PIEZO1: variants seen among roughly 807,000 people sequenced by gnomAD.
PIEZO1 encodes the protein piezo-type mechanosensitive ion channel component 1.
Under a neutral mutation model 297.2 loss-of-function variants are expected in PIEZO1, and 296 were observed. The ratio of observed to expected loss-of-function variants is 1.00; its 90% CI spans 0.91 to 1.10. PIEZO1 has a LOEUF of 1.10. PIEZO1 is among the 50% of genes least tolerant of loss of function. The probability of loss-of-function intolerance (pLI) is 0.00; values close to 1 mark genes in which losing one functional copy is unlikely to be tolerated. For synonymous variants in PIEZO1, 2,427 were observed against 1,507.5 expected, an observed-to-expected ratio of 1.61 and a Z score of -14.13; for missense variants, 5,018 against 3,455.5, an observed-to-expected ratio of 1.45 and a Z score of -11.34.
chr16:88,717,559 A>C, intron 44 of PIEZO1: 2 of 493,444 alleles, frequency 4.1e-6, no homozygotes. Flanking sequence ...CAAAGAGCGA[A>C]ACTTCAGAGC....
At chr16:88,775,272 G>A (rs547111704) in intron 1 of PIEZO1, among the ~76,000 whole-genome samples, 5 of 152,216 alleles carry the variant, frequency 3.3e-5, no homozygotes, top group African/African-American at 1.2e-4. Context: ...AGAGGATGCC[G>A]GGGCAGACCT....
chr16:88,755,038 G>A (rs537751490), intron 1 of PIEZO1, among the ~76,000 whole-genome samples: 136 of 152,340 alleles, frequency 8.9e-4, no homozygotes, highest in African/African-American at 3.1e-3. Flanking sequence ...ACACACCTGC[G>A]GCCATCAGGT....
intron 1 of PIEZO1, among the ~76,000 whole-genome samples, chr16:88,752,734 C>A (rs1597474215): frequency 1.3e-5 from 2 of 152,082 alleles, no homozygotes; most frequent in South Asian, 4.1e-4. Flanking sequence ...ACGATGGGGG[C>A]ATGGGAGGCA....
At position 88,719,563 on chromosome 16, in the gene PIEZO1, G is replaced by A; in HGVS notation, c.6471+11C>T. On this transcript the variant is annotated intron_variant, in intron 44 of 50. Transcript: ENST00000301015. The stretch of plus-strand genomic sequence containing the variant: ...GGCCCTTGTCCCGGCCCCCGCCCTG[G>A]GCCCAGGCACCTTCTCTGTCTCTCG... 6.5e-7 allele frequency: 1 copy of A among 1,550,108 alleles called. No individual in the cohort carries two copies. The highest frequency in any genetic ancestry group is 8.7e-7 in the Non-Finnish European group (1 of 1,146,660).
In PIEZO1 at chr16:88,737,625, C is replaced by G. The variant is rs1397578028; in HGVS notation, c.1129G>C (p.Asp377His). 6.5e-7 allele frequency: 1 copy of G among 1,534,990 alleles called. No homozygotes were observed. The highest frequency in any genetic ancestry group is 1.4e-5 in the African/African-American group (1 of 73,136). Residue 377 changes from aspartate to histidine, a missense_variant, in exon 10 of 51, where the codon GAC (aspartate) becomes CAC (histidine). Asp to His is a moderately conservative substitution (Grantham distance 81). Transcript: ENST00000301015. ...SDQHVVPTAP[D>H]TEADNCIVHE... ...ACGATGCAGTTATCAGCCTCGGTGT[C>G]GGGTGCTGTGGGCACCACGTGCTGT...
chr16:88,744,485 C>T (rs1445882485), intron 2 of PIEZO1: 2 of 152,042 alleles, frequency 1.3e-5, no homozygotes, highest in African/African-American at 4.8e-5. Context: ...TCCCTGCACA[C>T]ACGATCCAGC....
At position 88,725,411 on chromosome 16, in the gene PIEZO1, C is replaced by T; in HGVS notation, c.4162+5G>A. 5.6e-6 allele frequency: 8 copies of T among 1,435,636 alleles called. No homozygotes were observed. The highest frequency in any genetic ancestry group is 7.3e-6 in the Non-Finnish European group (8 of 1,089,518). The allele number at this position is 1,435,636 out of a possible 1,614,324, so 88.9% of individuals were successfully genotyped here. A position where few individuals can be genotyped will look rare whatever the true frequency, so the allele number is the denominator to read the frequency against. ...CCCTGGGTGCCCGACTCCAGCTGCA[C>T]TCACCTGGCTCCAGGCCGGGGTCCT... On this transcript the variant is annotated splice_donor_5th_base_variant and intron_variant, in intron 29 of 50. Coordinates refer to ENST00000301015, the MANE Select transcript of PIEZO1 (RefSeq NM_001142864.4).
rs1905261180 is a variant in PIEZO1, at chr16:88,736,935, C to T, written c.1196-196G>A. ...GCGTCAGGGATGGCCCTGCCAGCAC[C>T]TGCCGTTCTCTGGGCCTCACTTTCC... On this transcript the variant is annotated intron_variant, in intron 10 of 50. Transcript: ENST00000301015. 8 of 479,614 alleles carry T rather than the reference C, an allele frequency of 1.7e-5. No homozygotes were observed. The Admixed American group carries it at 2.7e-4, about 16-fold the overall frequency. The allele number at this position is 479,614 out of a possible 1,614,324, so 29.7% of individuals were successfully genotyped here.
chr16:88,727,879 C>A, intron 22 of PIEZO1: 3 of 376,478 alleles, frequency 8.0e-6, no homozygotes, highest in East Asian at 7.9e-5. Flanking sequence ...GGCAAAGGAA[C>A]TGAGCAGGAG....
intron 1 of PIEZO1, among the ~76,000 whole-genome samples, chr16:88,782,508 G>A (rs1384966731): frequency 6.6e-6 from 1 of 152,198 alleles, no homozygotes; most frequent in East Asian, 1.9e-4. Context: ...CTCCCTGTGG[G>A]TGGGGCAGCT....
In PIEZO1 at chr16:88,738,752, A is replaced by G. The variant is rs1275177900; in HGVS notation, c.466-16T>C. 3 of 1,523,744 alleles carry G rather than the reference A, an allele frequency of 2.0e-6. No homozygotes were observed. The highest frequency in any genetic ancestry group is 2.6e-6 in the Non-Finnish European group (3 of 1,137,550). 94.4% of individuals were successfully genotyped at this position (1,523,744 alleles called of 1,614,324 possible). ...CATCATCATCCTGCCAAGGTCACGGACAGGGGCAAGGTCAGGTGTATCGCA... is the reference window on the plus strand; with the variant it reads ...CATCATCATCCTGCCAAGGTCACGGGCAGGGGCAAGGTCAGGTGTATCGCA... On this transcript the variant is annotated splice_polypyrimidine_tract_variant and intron_variant, in intron 5 of 50. Coordinates refer to ENST00000301015, the MANE Select transcript of PIEZO1 (RefSeq NM_001142864.4).
Position 88,730,286 on chromosome 16 carries a change from G to A in PIEZO1, c.3196+1420C>T, listed in dbSNP as rs376649500. The stretch of plus-strand genomic sequence containing the variant: ...GGGTAGCAGAAGATGAGGCAGCAGC[G>A]CCTGGGAGCAGAAAACAAGACGGGG... On this transcript the variant is annotated intron_variant, in intron 22 of 50. Transcript: ENST00000301015. Among the ~76,000 whole-genome samples, 71 of 152,304 alleles carry A rather than the reference G, an allele frequency of 4.7e-4. 1 individual carries two copies. Among genetic ancestry groups the A allele is most frequent in the African/African-American group, 1.6e-3 (67 of 41,556 alleles).
intron 1 of PIEZO1, among the ~76,000 whole-genome samples, chr16:88,774,453 G>A (rs534673047): frequency 6.6e-6 from 1 of 152,304 alleles, no homozygotes; most frequent in South Asian, 2.1e-4. Flanking sequence ...GTGCTGAAGG[G>A]GAAAACAGGA....
intron 17 of PIEZO1, 52 bp from the exon 18 acceptor site, chr16:88,733,797 C>A: frequency 6.8e-7 from 1 of 1,481,082 alleles, no homozygotes; most frequent in Non-Finnish European, 9.0e-7. Flanking sequence ...TCCCGGGTCC[C>A]CTGTGAGGAA....
At chr16:88,766,545 C>T (rs1194552809) in intron 1 of PIEZO1, among the ~76,000 whole-genome samples, 1 of 152,238 alleles carries the variant, frequency 6.6e-6, no homozygotes, top group Non-Finnish European at 1.5e-5. Flanking sequence ...CTGGCAGGGC[C>T]CAAAGGGGAA....
chr16:88,735,043 C>T lies in PIEZO1; in HGVS notation c.1680G>A (p.Arg560=), dbSNP rs565863414. ...CCAGGCTCTGCAACAGCGTCTGCGT[C>T]CGCGTGGGCTCTGTGGGCCAAGCCA... is the stretch of plus-strand genomic sequence containing the variant. ...EVTVADTEPT[R]TQTLLQSLGE... is the part of the protein sequence containing the mutation. The change falls in exon 14 of 51, where the codon CGG becomes CGA. Residue 560 remains arginine, a synonymous_variant. Transcript: ENST00000301015. 9 of 1,550,398 alleles carry T rather than the reference C, an allele frequency of 5.8e-6. No homozygotes were observed. Among genetic ancestry groups the T allele is most frequent in the Non-Finnish European group, 7.0e-6 (8 of 1,146,938 alleles).
intron 1 of PIEZO1, among the ~76,000 whole-genome samples, chr16:88,755,849 G>T (rs1238732015): frequency 6.6e-6 from 1 of 152,212 alleles, no homozygotes; most frequent in African/African-American, 2.4e-5. Context: ...CAAGTCTGAG[G>T]AGACAGTGGC....
In PIEZO1 at chr16:88,715,787, T is replaced by C; in HGVS notation, c.7384A>G (p.Ile2462Val). The C allele has an allele frequency of 1.3e-6, 2 of 1,550,258 alleles. No homozygotes were observed. The highest frequency in any genetic ancestry group is 1.7e-6 in the Non-Finnish European group (2 of 1,146,936). ...GKFVRGFFSE[I>V]SHSIMFEELP... ...TCCTCGAACATAATGGAGTGCGAGA[T>C]CTCGCTGAAGAATCCGCGCACGAAC... Residue 2462 changes from isoleucine (I) to valine (V), a missense_variant, in exon 51 of 51, where the codon ATC becomes GTC. By Grantham distance (29) the Ile-to-Val change is conservative. Coordinates refer to ENST00000301015, the MANE Select transcript of PIEZO1 (RefSeq NM_001142864.4).
intron 1 of PIEZO1, among the ~76,000 whole-genome samples, chr16:88,781,217 G>C (rs921780127): frequency 6.6e-6 from 1 of 152,214 alleles, no homozygotes; most frequent in Admixed American, 6.5e-5. Context: ...TGCCGAGTCA[G>C]CACAGGAGAG....
Sources: allele counts gnomAD v4.1 joint callset (sites outside exome capture counted in the v4.1 genomes callset), GRCh38; gene constraint gnomAD v4.1.1; transcripts MANE v1.5; gene names NCBI Gene and HGNC (gene_info 2026-07-23, HGNC 2026-07-21).